Variants in SGCZ observed in about 807,000 individuals in gnomAD.
SGCZ encodes sarcoglycan zeta.
A neutral mutation model predicts 41.3 loss-of-function variants in SGCZ; 40 were observed. The observed-to-expected ratio is 0.97, with a 90% CI of 0.75 to 1.26. SGCZ has a LOEUF of 1.26. SGCZ is among the 50% of genes most tolerant of loss of function. SGCZ has a pLI of 0.00. For synonymous variants in SGCZ, 206 were observed against 137.5 expected (o/e 1.50, Z -3.49); for missense variants, 552 against 369.8 (o/e 1.49, Z -4.04).
chr8:14,893,522 G>A (rs558449026), intron 1 of SGCZ, among the ~76,000 whole-genome samples: 54 of 152,246 alleles, frequency 3.5e-4, no homozygotes, highest in African/African-American at 1.2e-3. Context: ...TTCAGGGGAC[G>A]TAGAATTATA....
intron 1 of SGCZ, among the ~76,000 whole-genome samples, chr8:14,717,931 G>T (rs1341911458): frequency 6.7e-6 from 1 of 150,300 alleles, no homozygotes; most frequent in East Asian, 2.0e-4. Context: ...ATCCCTCTAT[G>T]TTAATCATAT....
At chr8:14,532,596 T>C (rs1432248290) in intron 2 of SGCZ, among the ~76,000 whole-genome samples, 4 of 151,248 alleles carry the variant, frequency 2.6e-5, no homozygotes, top group Admixed American at 6.6e-5. Flanking sequence ...TAGAAAATGA[T>C]AATAATGCAA....
At chr8:14,806,882 C>A (rs1406309145) in intron 1 of SGCZ, among the ~76,000 whole-genome samples, 1 of 150,870 alleles carries the variant, frequency 6.6e-6, no homozygotes, top group East Asian at 2.0e-4. Context: ...GCTTATCCAC[C>A]ATGATCAAGT....
chr8:14,178,331 A>C (rs1804617521), intron 4 of SGCZ, among the ~76,000 whole-genome samples: 2 of 152,166 alleles, frequency 1.3e-5, no homozygotes, highest in African/African-American at 2.4e-5. Flanking sequence ...AAAGGAAATA[A>C]AAAGTAAAAG....
At chr8:15,231,961 G>A (rs778811916) in intron 1 of SGCZ, among the ~76,000 whole-genome samples, 12 of 152,132 alleles carry the variant, frequency 7.9e-5, no homozygotes, top group Non-Finnish European at 1.2e-4. Context: ...CTTACTTCTA[G>A]TCACAGAGAG....
chr8:15,220,568 A>G (rs1259611786), intron 1 of SGCZ, among the ~76,000 whole-genome samples: 1 of 152,084 alleles, frequency 6.6e-6, no homozygotes, highest in Non-Finnish European at 1.5e-5. Context: ...TTAGAAAATT[A>G]CATAAACTAG....
At chr8:14,745,970 T>C (rs1205495161) in intron 1 of SGCZ, among the ~76,000 whole-genome samples, 1 of 152,022 alleles carries the variant, frequency 6.6e-6, no homozygotes, top group African/African-American at 2.4e-5. Context: ...TTTCTTAGAG[T>C]TGTAAGTTAC....
intron 2 of SGCZ, among the ~76,000 whole-genome samples, chr8:14,370,162 G>A (rs1288724477): frequency 6.6e-6 from 1 of 151,910 alleles, no homozygotes; most frequent in East Asian, 1.9e-4. Flanking sequence ...GAGAAGAAAG[G>A]AGAGTTTTAA....
chr8:14,439,310 A>AATATATATATATATATATAT (rs57569373), intron 2 of SGCZ, among the ~76,000 whole-genome samples: 21 of 142,714 alleles, frequency 1.5e-4, no homozygotes, highest in East Asian at 8.3e-4. Context: ...AGAAGAAAGA[A>AATATATATATATATATATAT]ATATATATAT....
intron 5 of SGCZ, among the ~76,000 whole-genome samples, chr8:14,130,301 A>AT (rs1491164694): frequency 2.0e-5 from 3 of 152,042 alleles, no homozygotes; most frequent in African/African-American, 7.2e-5. Context: ...GAAAAAAAAA[A>AT]CAAATGATTC....
At chr8:14,625,137 T>C (rs1380355130) in intron 1 of SGCZ, among the ~76,000 whole-genome samples, 2 of 152,230 alleles carry the variant, frequency 1.3e-5, no homozygotes, top group Non-Finnish European at 2.9e-5. Context: ...TATAATACAT[T>C]GCTATTGAAA....
At chr8:14,104,041 A>G (rs1415118688) in intron 6 of SGCZ, among the ~76,000 whole-genome samples, 1 of 152,142 alleles carries the variant, frequency 6.6e-6, no homozygotes, top group Non-Finnish European at 1.5e-5. Flanking sequence ...TCTCCTGTCC[A>G]CTGAGGAGGG....
chr8:14,333,473 G>C (rs2117057293), intron 2 of SGCZ, among the ~76,000 whole-genome samples: 1 of 152,096 alleles, frequency 6.6e-6, no homozygotes, highest in Non-Finnish European at 1.5e-5. Context: ...TAGCATGCTT[G>C]TCTTTCCCAA....
chr8:14,096,714 G>T (rs1801855573), intron 7 of SGCZ, among the ~76,000 whole-genome samples: 1 of 152,132 alleles, frequency 6.6e-6, no homozygotes, highest in Admixed American at 6.5e-5. Context: ...GTAGAATTCA[G>T]CTTTGTATCT....
chr8:14,909,793 T>A (rs187091863), intron 1 of SGCZ, among the ~76,000 whole-genome samples: 303 of 152,238 alleles, frequency 2.0e-3, no homozygotes, highest in Non-Finnish European at 3.5e-3. Flanking sequence ...CTCTGGTTTG[T>A]CCATCTACTA....
At chr8:15,149,057 G>A (rs1799107531) in intron 1 of SGCZ, among the ~76,000 whole-genome samples, 1 of 152,178 alleles carries the variant, frequency 6.6e-6, no homozygotes, top group African/African-American at 2.4e-5. Context: ...AAAGCAAAAG[G>A]AGGGAATTCT....
At chr8:14,306,785 A>G (rs1197622872) in intron 3 of SGCZ, among the ~76,000 whole-genome samples, 2 of 152,232 alleles carry the variant, frequency 1.3e-5, no homozygotes, top group East Asian at 3.8e-4. Flanking sequence ...AATGTGGTAA[A>G]TATCAGTATT....
chr8:14,998,782 A>C (rs1802308121), intron 1 of SGCZ, among the ~76,000 whole-genome samples: 1 of 152,198 alleles, frequency 6.6e-6, no homozygotes. Flanking sequence ...TTTCTGCTGA[A>C]ACTCAACTCA....
chr8:15,193,367 G>A (rs1040479534), intron 1 of SGCZ, among the ~76,000 whole-genome samples: 14 of 152,030 alleles, frequency 9.2e-5, no homozygotes, highest in Admixed American at 1.3e-4. Context: ...ACTGTCACAC[G>A]TTGAATTATT....
Sources: allele counts gnomAD v4.1 joint callset (sites outside exome capture counted in the v4.1 genomes callset), GRCh38; gene constraint gnomAD v4.1.1; transcripts MANE v1.5; gene names NCBI Gene and HGNC (gene_info 2026-07-23, HGNC 2026-07-21).